Variants in TUSC3 observed in about 807,000 individuals in gnomAD.
TUSC3 encodes the protein dolichyl-diphosphooligosaccharide--protein glycosyltransferase subunit TUSC3.
Under a neutral mutation model 44.8 loss-of-function variants are expected in TUSC3, and 45 were observed. That is an observed-to-expected ratio of 1.00 (90% CI 0.79 to 1.29). TUSC3 has a LOEUF of 1.29. Ranked by LOEUF, TUSC3 falls within the 50% of genes most tolerant of loss-of-function variation. TUSC3 has a pLI of 0.00. For synonymous variants in TUSC3, 212 were observed against 152.9 expected (o/e 1.39, Z -2.85); for missense variants, 519 against 437.9 (o/e 1.19, Z -1.65).
chr8:15,512,053 C>A (rs1306940949), intron 2 of TUSC3, among the ~76,000 whole-genome samples: 3 of 152,070 alleles, frequency 2.0e-5, no homozygotes, highest in African/African-American at 7.2e-5. Context: ...CCTAGAAGAT[C>A]CAGAACACCT....
At chr8:15,563,066 C>G (rs1802537429) in intron 1 of TUSC3, among the ~76,000 whole-genome samples, 2 of 152,184 alleles carry the variant, frequency 1.3e-5, no homozygotes, top group South Asian at 2.1e-4. Context: ...GTGGGCAAGC[C>G]TGCACTTTTA....
chr8:15,588,671 G>C (rs1408447517), intron 1 of TUSC3, among the ~76,000 whole-genome samples: 1 of 152,088 alleles, frequency 6.6e-6, no homozygotes, highest in African/African-American at 2.4e-5. Context: ...TTTTCTTCTA[G>C]TAGTTTTATA....
At chr8:15,695,327 T>G (rs1450342719) in intron 6 of TUSC3, among the ~76,000 whole-genome samples, 1 of 152,152 alleles carries the variant, frequency 6.6e-6, no homozygotes, top group African/African-American at 2.4e-5. Context: ...ATCTGATGGT[T>G]TTATAAACAG....
intron 1 of TUSC3, among the ~76,000 whole-genome samples, chr8:15,582,237 C>A (rs952337289): frequency 2.6e-5 from 4 of 152,164 alleles, no homozygotes; most frequent in Admixed American, 1.3e-4. Flanking sequence ...AAACCTGGTA[C>A]CTCAGATGGA....
At chr8:15,699,332 T>G (rs1385766895) in intron 6 of TUSC3, among the ~76,000 whole-genome samples, 1 of 152,214 alleles carries the variant, frequency 6.6e-6, no homozygotes, top group Non-Finnish European at 1.5e-5. Flanking sequence ...CCTAGCACTT[T>G]CATTCACCAT....
intron 1 of TUSC3, among the ~76,000 whole-genome samples, chr8:15,606,263 A>G (rs1804522781): frequency 6.6e-6 from 1 of 152,082 alleles, no homozygotes; most frequent in Middle Eastern, 3.2e-3. Flanking sequence ...TAAATACAAT[A>G]CAGTACTATA....
the TUSC3 span, among the ~76,000 whole-genome samples, chr8:15,775,748 CTATATA>C: frequency 0.23 from 31,905 of 138,730 alleles, 3,999 homozygotes; most frequent in Admixed American, 0.41. Flanking sequence ...ATATATTACA[CTATATA>C]TATATATATA....
chr8:15,741,142 C>T (rs142040956), intron 7 of TUSC3, among the ~76,000 whole-genome samples: 4 of 40,568 alleles, frequency 9.9e-5, no homozygotes, highest in Non-Finnish European at 2.9e-4. Flanking sequence ...GTGTATAAAC[C>T]GATAACATGT....
At chr8:15,824,281 A>G in the TUSC3 span, among the ~76,000 whole-genome samples, 1 of 152,194 alleles carries the variant, frequency 6.6e-6, no homozygotes, top group Non-Finnish European at 1.5e-5. Flanking sequence ...GATACTTTCA[A>G]TGTCTATTTA....
At chr8:15,638,515 C>CTTTTTTTTTTTTTTTT (rs547743726) in intron 2 of TUSC3, among the ~76,000 whole-genome samples, 17 of 81,100 alleles carry the variant, frequency 2.1e-4, no homozygotes, top group Admixed American at 3.6e-4. Context: ...TTCTTTTTTT[C>CTTTTTTTTTTTTTTTT]TTTTTTTTTT....
chr8:15,495,462 C>T (rs1201504809), intron 2 of TUSC3, among the ~76,000 whole-genome samples: 3 of 152,304 alleles, frequency 2.0e-5, no homozygotes, highest in East Asian at 3.9e-4. Flanking sequence ...CCTGAACCTC[C>T]AGCAGGACTC....
At chr8:15,842,057 T>A in the TUSC3 span, among the ~76,000 whole-genome samples, 2 of 152,308 alleles carry the variant, frequency 1.3e-5, no homozygotes, top group African/African-American at 4.8e-5. Flanking sequence ...TTCCCAAGAA[T>A]GTTACCCACG....
chr8:15,750,320 G>A (rs900464814), intron 9 of TUSC3, among the ~76,000 whole-genome samples: 3 of 151,876 alleles, frequency 2.0e-5, no homozygotes, highest in Non-Finnish European at 4.4e-5. Flanking sequence ...AGTAGGGAAG[G>A]GTAAAGGGCA....
At chr8:15,559,044 G>T (rs552193947) in intron 1 of TUSC3, among the ~76,000 whole-genome samples, 37 of 145,868 alleles carry the variant, frequency 2.5e-4, no homozygotes, top group East Asian at 1.5e-3. Flanking sequence ...CTTTCTGCTA[G>T]CTTTTGAATG....
At chr8:15,563,683 C>A (rs1459766423) in intron 1 of TUSC3, among the ~76,000 whole-genome samples, 2 of 51,280 alleles carry the variant, frequency 3.9e-5, no homozygotes, top group Non-Finnish European at 3.9e-5. Context: ...GAGCCTCCAT[C>A]TCAAAAAAAA....
At chr8:15,800,480 G>T in the TUSC3 span, among the ~76,000 whole-genome samples, 1 of 151,954 alleles carries the variant, frequency 6.6e-6, no homozygotes, top group African/African-American at 2.4e-5. Context: ...GGCTGAGGTG[G>T]GAGGATCACT....
intron 6 of TUSC3, among the ~76,000 whole-genome samples, chr8:15,700,655 C>T (rs1219414721): frequency 1.3e-5 from 2 of 151,798 alleles, no homozygotes; most frequent in African/African-American, 4.8e-5. Context: ...TTATGAGGGA[C>T]CTTGAAAGCT....
At chr8:15,485,707 G>A (rs1364781416) in intron 2 of TUSC3, among the ~76,000 whole-genome samples, 1 of 152,136 alleles carries the variant, frequency 6.6e-6, no homozygotes, top group Non-Finnish European at 1.5e-5. Context: ...AAAGAAGAGA[G>A]CAGACCAAGG....
intron 2 of TUSC3, among the ~76,000 whole-genome samples, chr8:15,505,603 C>T (rs576547691): frequency 6.6e-6 from 1 of 152,244 alleles, no homozygotes; most frequent in African/African-American, 2.4e-5. Flanking sequence ...TAAGAATCAC[C>T]AACTGAAAAT....
Sources: allele counts gnomAD v4.1 joint callset (sites outside exome capture counted in the v4.1 genomes callset), GRCh38; gene constraint gnomAD v4.1.1; transcripts MANE v1.5; gene names NCBI Gene and HGNC (gene_info 2026-07-23, HGNC 2026-07-21).